The following NWD1 variants were observed in gnomAD, a reference collection of about 807,000 sequenced individuals.
NWD1 encodes NACHT and WD repeat domain containing 1, also known as NACHT domain- and WD repeat-containing protein 1.
NWD1 carries 129 observed loss-of-function variants against 135.1 expected under a neutral mutation model. The ratio of observed to expected loss-of-function variants is 0.96; its 90% CI spans 0.83 to 1.11. NWD1 has a LOEUF of 1.11. Among genes scored for constraint, NWD1 ranks in the 50% least tolerant of loss-of-function variants. NWD1 has a pLI of 0.00. For synonymous variants in NWD1, 773 were observed against 786.0 expected, an observed-to-expected ratio of 0.98 and a Z score of 0.28; for missense variants, 1,740 against 1,851.3, an observed-to-expected ratio of 0.94 and a Z score of 1.10.
intron 2 of NWD1, 55 bp from the exon 3 acceptor site, chr19:16,731,137 G>T: frequency 1.1e-6 from 1 of 878,126 alleles, no homozygotes; most frequent in Non-Finnish European, 1.8e-6. Flanking sequence ...GAGCTATGAG[G>T]CTGGGAAGAG....
intron 4 of NWD1, among the ~76,000 whole-genome samples, chr19:16,739,324 T>G (rs1291344150): frequency 5.0e-5 from 4 of 80,766 alleles, no homozygotes; most frequent in African/African-American, 2.4e-4. Flanking sequence ...AGACCCTATC[T>G]CTACCAAAAA....
At chr19:16,767,674 G>A (rs538501619) in intron 10 of NWD1, among the ~76,000 whole-genome samples, 55 of 151,870 alleles carry the variant, frequency 3.6e-4, no homozygotes, top group Non-Finnish European at 7.6e-4. Flanking sequence ...AACAGCATGG[G>A]GGAACCACCC....
At chr19:16,770,027 C>G (rs111744118) in intron 10 of NWD1, among the ~76,000 whole-genome samples, 2 of 152,120 alleles carry the variant, frequency 1.3e-5, no homozygotes, top group African/African-American at 4.8e-5. Context: ...ATTATGATTT[C>G]TCTTGGTTTT....
At chr19:16,732,336 G>A (rs1343445513) in intron 3 of NWD1, among the ~76,000 whole-genome samples, 2 of 151,908 alleles carry the variant, frequency 1.3e-5, no homozygotes, top group Admixed American at 6.6e-5. Context: ...CAGATTCATC[G>A]CTGTGTCCCT....
intron 18 of NWD1, chr19:16,812,635 C>G: frequency 2.8e-6 from 2 of 722,844 alleles, no homozygotes; most frequent in South Asian, 3.0e-5. Context: ...CACCACTGCA[C>G]TCCAGCCTGG....
At chr19:16,782,861 CTTCTTTCT>C (rs34577966) in intron 12 of NWD1, among the ~76,000 whole-genome samples, 24 of 148,130 alleles carry the variant, frequency 1.6e-4, no homozygotes, top group South Asian at 6.4e-4. Context: ...CTTCCTTTTC[CTTCTTTCT>C]TTCTTTCTTT....
chr19:16,740,845 C>T (rs1442553132), intron 4 of NWD1, among the ~76,000 whole-genome samples: 1 of 151,934 alleles, frequency 6.6e-6, no homozygotes, highest in Admixed American at 6.6e-5. Context: ...AATTTTATGG[C>T]CTCCCATGCC....
At chr19:16,724,829 A>G (rs1232580237) in intron 2 of NWD1, among the ~76,000 whole-genome samples, 1 of 151,474 alleles carries the variant, frequency 6.6e-6, no homozygotes. Flanking sequence ...AGTAGCTGGG[A>G]CTACAGGCAT....
At chr19:16,781,187 G>A (rs1969841521) in intron 12 of NWD1, among the ~76,000 whole-genome samples, 1 of 152,148 alleles carries the variant, frequency 6.6e-6, no homozygotes, top group Non-Finnish European at 1.5e-5. Flanking sequence ...ATAGACGAGG[G>A]TCGGGACTAG....
rs113254658 is a variant in NWD1 at position 16,790,462 on chromosome 19, C to T, written c.2941-888C>T. Among the ~76,000 whole-genome samples, 508 of 139,414 alleles carry T rather than the reference C, an allele frequency of 3.6e-3. 1 individual carries two copies. The highest frequency in any genetic ancestry group is 5.5e-3 in the Non-Finnish European group (357 of 65,408). 91.5% of individuals were successfully genotyped at this position (139,414 alleles called of 152,430 possible). A position where few individuals can be genotyped will look rare whatever the true frequency, so the allele number is the denominator to read the frequency against. ...ATGTACCTATTAAACACTTGAAATT[C>T]GGGGGGTAGGGGGTAAGGGGAGGGA... On this transcript the variant is annotated intron_variant, in intron 13 of 18. Transcript: ENST00000524140.
At chr19:16,793,267 T>C (rs1322335571) in intron 14 of NWD1, among the ~76,000 whole-genome samples, 3 of 152,104 alleles carry the variant, frequency 2.0e-5, no homozygotes, top group African/African-American at 7.2e-5. Flanking sequence ...AGGGTCTTAC[T>C]TTATCTCTCA....
chr19:16,759,565 A>G, intron 7 of NWD1, 137 bp downstream of exon 7: 1 of 668,348 alleles, frequency 1.5e-6, no homozygotes, highest in Non-Finnish European at 2.6e-6. Flanking sequence ...GAACTCTGAC[A>G]CAATTCACTT....
In NWD1 at chr19:16,763,713, T is replaced by C. The variant is rs73521259; in HGVS notation, c.2134-115T>C. ...CACATGGGGGTATGTCTGTCTTCCA[T>C]TGCATTCTCGTCCACTCCAGCACTG... On this transcript the variant is annotated intron_variant, in intron 8 of 18. Coordinates refer to ENST00000524140, the MANE Select transcript of NWD1 (RefSeq NM_001007525.5). 0.015 allele frequency: 10,459 copies of C among 711,118 alleles called. 774 individuals carry two copies. The African/African-American group carries it at 0.16, about 11-fold the overall frequency. 44.1% of individuals were successfully genotyped at this position (711,118 alleles called of 1,614,324 possible).
chr19:16,756,484 A>G (rs1968802816), intron 6 of NWD1, among the ~76,000 whole-genome samples: 2 of 152,196 alleles, frequency 1.3e-5, no homozygotes, highest in African/African-American at 4.8e-5. Flanking sequence ...TTCAAGGGTC[A>G]ACTATATGTC....
At chr19:16,765,596 A>G (rs1254721994) in intron 10 of NWD1, among the ~76,000 whole-genome samples, 2 of 152,104 alleles carry the variant, frequency 1.3e-5, no homozygotes, top group African/African-American at 4.8e-5. Flanking sequence ...AGCCTCCCAG[A>G]GTGCTAGGAT....
At chr19:16,780,224 C>T (rs953211284) in intron 12 of NWD1, among the ~76,000 whole-genome samples, 1 of 151,170 alleles carries the variant, frequency 6.6e-6, no homozygotes, top group Non-Finnish European at 1.5e-5. Flanking sequence ...GGTGCAATCT[C>T]GGCTCACTGT....
intron 6 of NWD1, among the ~76,000 whole-genome samples, chr19:16,753,625 C>G (rs1968663367): frequency 6.6e-6 from 1 of 152,142 alleles, no homozygotes; most frequent in African/African-American, 2.4e-5. Flanking sequence ...CATGACTGAG[C>G]AGGGTGGTGC....
chr19:16,782,751 C>T (rs1185040021), intron 12 of NWD1, among the ~76,000 whole-genome samples: 1 of 151,988 alleles, frequency 6.6e-6, no homozygotes, highest in African/African-American at 2.4e-5. Context: ...GTCCCAGCTA[C>T]AAGGAGGAGG....
At chr19:16,807,490 C>T (rs936288176) in intron 17 of NWD1, 96 bp from the exon 18 acceptor site, 1 of 1,032,068 alleles carries the variant, frequency 9.7e-7, no homozygotes. Flanking sequence ...GAGACTCCAT[C>T]TCAAAAACAA....
Sources: gnomAD v4.1 joint callset for allele counts (sites outside exome capture counted in the v4.1 genomes callset) on GRCh38, gnomAD v4.1.1 for gene constraint, MANE v1.5 for transcripts, NCBI Gene and HGNC (gene_info 2026-07-23, HGNC 2026-07-21) for gene names.